The following EPHA7 variants were observed in gnomAD, a reference collection of about 807,000 sequenced individuals.
EPHA7 encodes the protein EPH receptor A7.
In EPHA7, 25 loss-of-function variants were observed where a neutral mutation model predicts 112.6. The observed-to-expected ratio is 0.22, with a 90% CI of 0.16 to 0.31. The LOEUF is 0.31. Ranked by LOEUF, EPHA7 falls within the 10% of genes least tolerant of loss-of-function variation. The pLI, the probability that EPHA7 is intolerant of heterozygous loss-of-function variation, is 1.00. For synonymous variants in EPHA7, 437 were observed against 406.5 expected (o/e 1.07, Z -0.90); for missense variants, 962 against 1,212.6 (o/e 0.79, Z 3.07).
Position 93,257,908 on chromosome 6 carries a change from AT to A in EPHA7, c.2110+190del, listed in dbSNP as rs200815289. Among the ~76,000 whole-genome samples the A allele has an allele frequency of 5.2e-3, 789 of 151,840 alleles. 12 individuals are homozygous for A. Among genetic ancestry groups the A allele is most frequent in the African/African-American group, 0.018 (733 of 41,420 alleles). On this transcript the variant is annotated intron_variant, in intron 11 of 16. Transcript: ENST00000369303. Reference sequence around the variant, plus strand: ...ATTCTTCAACTCTAATCTTGCATTCATTTTTTTTCTGCTTTCTTTTCCCTTG... The same window carrying A: ...ATTCTTCAACTCTAATCTTGCATTCATTTTTTTCTGCTTTCTTTTCCCTTG...
chr6:93,298,705 G>T (rs1165139263), intron 5 of EPHA7, among the ~76,000 whole-genome samples: 1 of 152,110 alleles, frequency 6.6e-6, no homozygotes, highest in Non-Finnish European at 1.5e-5. Context: ...GGCAAAGATT[G>T]AAAACCAAAA....
chr6:93,294,315 G>A (rs1252859698), intron 5 of EPHA7, among the ~76,000 whole-genome samples: 1 of 152,100 alleles, frequency 6.6e-6, no homozygotes, highest in Non-Finnish European at 1.5e-5. Context: ...GATTCTTCTT[G>A]CCCTTAAATG....
intron 3 of EPHA7, among the ~76,000 whole-genome samples, chr6:93,365,154 A>T (rs2127954288): frequency 6.6e-6 from 1 of 152,278 alleles, no homozygotes; most frequent in Admixed American, 6.5e-5. Flanking sequence ...GCACAACTGA[A>T]CATTTTCTGA....
chr6:93,358,258 G>C lies in EPHA7; in HGVS notation c.986C>G (p.Thr329Arg), dbSNP rs1776056576. 6.2e-7 allele frequency: 1 copy of C among 1,607,216 alleles called. No individual in the cohort carries two copies. The highest frequency in any genetic ancestry group is 8.5e-7 in the Non-Finnish European group (1 of 1,176,476). The change falls in exon 4 of 17, where the codon ACA (threonine) becomes AGA (arginine). Residue 329 changes from threonine to arginine, a missense_variant and splice_region_variant. Thr to Arg is a moderately conservative substitution (Grantham distance 71). Around this residue, in one of 3 missense-constraint regions of EPHA7, gnomAD observed 746 missense variants for 889.2 expected, o/e 0.84. Coordinates refer to ENST00000369303, the MANE Select transcript of EPHA7 (RefSeq NM_004440.4). The part of the protein sequence containing the change: ...APSDPPYVAC[T>R]RPPSAPQNLI... ...TTTACTTTCATAATACAACTCACTT[G>C]TGCACGCAACGTATGGTGGGTCAGA...
Position 93,350,072 on chromosome 6 carries a change from A to T in EPHA7, c.1324+6645T>A, listed in dbSNP as rs540490592. Among the ~76,000 whole-genome samples the T allele has an allele frequency of 5.9e-5, 9 of 152,144 alleles. No individual in the cohort carries two copies. In the East Asian group the frequency reaches 1.2e-3, roughly 20 times the overall value. ...AAACCTTTATTTTGGCTGAGAAATT[A>T]GATCTGGGCATTGAAAAACACAGGA... is the stretch of plus-strand genomic sequence containing the variant. On this transcript the variant is annotated intron_variant, in intron 5 of 16. Coordinates refer to ENST00000369303, the MANE Select transcript of EPHA7 (RefSeq NM_004440.4).
At position 93,356,809 on chromosome 6, in the gene EPHA7, T is replaced by C; in HGVS notation, c.1232A>G (p.Tyr411Cys). ...TVMDLLAHANYTFEVEAVNGV... is the reference protein window; with the variant it reads ...TVMDLLAHANCTFEVEAVNGV... The stretch of plus-strand genomic sequence containing the variant: ...ATTTACAGCTTCAACTTCAAAAGTA[T>C]AATTAGCGTGGGCTAGCAGGTCCAT... The change falls in exon 5 of 17, where the codon TAT (tyrosine) becomes TGT (cysteine). Residue 411 changes from tyrosine to cysteine, a missense_variant. Physicochemically the swap from Tyr to Cys is radical, Grantham distance 194. Coordinates refer to ENST00000369303, the MANE Select transcript of EPHA7 (RefSeq NM_004440.4). 1 of 1,614,160 alleles carries C rather than the reference T, an allele frequency of 6.2e-7. No homozygotes were observed. The highest frequency in any genetic ancestry group is 8.5e-7 in the Non-Finnish European group (1 of 1,180,016).
chr6:93,325,761 C>A (rs1217373324), intron 5 of EPHA7, among the ~76,000 whole-genome samples: 1 of 151,346 alleles, frequency 6.6e-6, no homozygotes, highest in Admixed American at 6.6e-5. Flanking sequence ...ATTTACTAGA[C>A]ACACTTTGAA....
At position 93,399,800 on chromosome 6, in the gene EPHA7, T is replaced by A. The variant is rs202194323; in HGVS notation, c.832+10701A>T. On this transcript the variant is annotated intron_variant, in intron 3 of 16. Coordinates refer to ENST00000369303, the MANE Select transcript of EPHA7 (RefSeq NM_004440.4). ...AAAGGAGAAAGGAAACTGGAAAGAG[T>A]AAGATGTGACTTACTTTTGAATCTG... is the stretch of plus-strand genomic sequence containing the variant. Among the ~76,000 whole-genome samples the A allele has an allele frequency of 9.9e-5, 15 of 152,114 alleles. No homozygotes were observed. In the East Asian group the frequency reaches 1.9e-3, roughly 20 times the overall value.
intron 15 of EPHA7, 94 bp from the exon 16 acceptor site, chr6:93,245,547 A>G: frequency 1.5e-6 from 2 of 1,299,860 alleles, no homozygotes; most frequent in Admixed American, 2.5e-5. Flanking sequence ...AAAGAACAAA[A>G]TTAGATGTTT....
Position 93,358,246 on chromosome 6 carries a change from T to C in EPHA7, c.988+10A>G, listed in dbSNP as rs559801495. The C allele has an allele frequency of 3.7e-5, 59 of 1,593,792 alleles. No individual in the cohort carries two copies. In the South Asian group the frequency reaches 5.8e-4, roughly 16 times the overall value. ...ATTGGAAAGTCCTTTACTTTCATAA[T>C]ACAACTCACTTGTGCACGCAACGTA... On this transcript the variant is annotated intron_variant, in intron 4 of 16. Transcript: ENST00000369303.
At chr6:93,348,153 C>G (rs1384754614) in intron 5 of EPHA7, among the ~76,000 whole-genome samples, 2 of 151,626 alleles carry the variant, frequency 1.3e-5, no homozygotes, top group Non-Finnish European at 2.9e-5. Flanking sequence ...CAGAAAGATA[C>G]TGGGACTGGA....
intron 5 of EPHA7, among the ~76,000 whole-genome samples, chr6:93,332,333 A>G (rs9363065): frequency 0.18 from 26,815 of 151,598 alleles, 2,771 homozygotes; most frequent in East Asian, 0.34. Context: ...CAATAATGGT[A>G]ACTATAACTC....
chr6:93,411,195 C>T (rs1778960485), intron 2 of EPHA7, 25 bp from the exon 3 acceptor site: 2 of 1,571,058 alleles, frequency 1.3e-6, no homozygotes, highest in Non-Finnish European at 1.7e-6. Flanking sequence ...AAAAGGTCAT[C>T]AGTCATTCAG....
At chr6:93,245,177 TA>T in intron 16 of EPHA7, 120 bp downstream of exon 16, 1 of 927,402 alleles carries the variant, frequency 1.1e-6, no homozygotes, top group Non-Finnish European at 1.6e-6. Flanking sequence ...GTTAAAGAAG[TA>T]TTTTTTTTAT....
intron 3 of EPHA7, among the ~76,000 whole-genome samples, chr6:93,369,660 T>G (rs1263355679): frequency 1.3e-5 from 2 of 152,174 alleles, no homozygotes; most frequent in Non-Finnish European, 2.9e-5. Context: ...CATAATTATT[T>G]CTTTATGCAT....
chr6:93,404,362 A>T, intron 3 of EPHA7, among the ~76,000 whole-genome samples: 1 of 152,064 alleles, frequency 6.6e-6, no homozygotes, highest in South Asian at 2.1e-4. Context: ...TTCTGAAAAA[A>T]GTTTATGTTC....
In EPHA7 at chr6:93,282,542, T is replaced by C. The variant is rs531254300; in HGVS notation, c.1325-10120A>G. Among the ~76,000 whole-genome samples, 12 of 152,342 alleles carry C rather than the reference T, an allele frequency of 7.9e-5. No homozygotes were observed. The South Asian group carries it at 2.3e-3, about 29-fold the overall frequency. ...GCCTCCTCGGCCTTGGCGCCTACTC[T>C]GGCCACACTTGAGGAGCCCTTCGAC... On this transcript the variant is annotated intron_variant, in intron 5 of 16. Coordinates refer to ENST00000369303, the MANE Select transcript of EPHA7 (RefSeq NM_004440.4).
intron 5 of EPHA7, among the ~76,000 whole-genome samples, chr6:93,314,166 C>G (rs1161123256): frequency 6.6e-6 from 1 of 151,928 alleles, no homozygotes; most frequent in Non-Finnish European, 1.5e-5. Flanking sequence ...TTAACAATAG[C>G]TGTCTCAAAA....
Position 93,259,438 on chromosome 6 carries a change from A to G in EPHA7, c.1840T>C (p.Tyr614His). Residue 614 changes from tyrosine to histidine, a missense_variant, in exon 10 of 17, where the codon TAT (tyrosine) becomes CAT (histidine). Transcript: ENST00000369303. The part of the protein sequence containing the change: ...GTKTYIDPET[Y>H]EDPNRAVHQF... The stretch of plus-strand genomic sequence containing the variant: ...TGGACAGCTCTATTTGGGTCCTCAT[A>G]GGTTTCAGGGTCAATGTAGGTTTTG... 6.2e-7 allele frequency: 1 copy of G among 1,612,062 alleles called. No homozygotes were observed. The highest frequency in any genetic ancestry group is 8.5e-7 in the Non-Finnish European group (1 of 1,178,476).
Sources: gnomAD v4.1 joint callset for allele counts (sites outside exome capture counted in the v4.1 genomes callset) on GRCh38, gnomAD v4.1.1 for gene constraint, gnomAD v4.1.1 regional missense constraint, MANE v1.5 for transcripts, NCBI Gene and HGNC (gene_info 2026-07-23, HGNC 2026-07-21) for gene names.